MXRA7: variants seen among roughly 807,000 people sequenced by gnomAD.
MXRA7 encodes the protein matrix remodeling associated 7.
Under a neutral mutation model 17.4 loss-of-function variants are expected in MXRA7, and 18 were observed. The observed-to-expected ratio is 1.03, with a 90% CI of 0.71 to 1.53. The LOEUF (loss-of-function observed/expected upper bound fraction) is 1.53, where lower values mean the gene tolerates loss of function less well. Among genes scored for constraint, MXRA7 ranks in the 40% most tolerant of loss-of-function variants. MXRA7 has a pLI of 0.00. For synonymous variants in MXRA7, 70 were observed against 101.7 expected (o/e 0.69, Z 1.87); for missense variants, 141 against 209.3 (o/e 0.67, Z 2.01).
At chr17:76,693,974 A>G (rs1423086064) in intron 1 of MXRA7, among the ~76,000 whole-genome samples, 2 of 152,182 alleles carry the variant, frequency 1.3e-5, no homozygotes, top group Non-Finnish European at 2.9e-5. Context: ...ACACTGCTCA[A>G]TTGGCCATTT....
chr17:76,706,385 A>G (rs2076660862), intron 1 of MXRA7, among the ~76,000 whole-genome samples: 1 of 146,654 alleles, frequency 6.8e-6, no homozygotes, highest in African/African-American at 2.5e-5. Context: ...CTGCCGTCAC[A>G]GAGGCCCACG....
intron 3 of MXRA7, among the ~76,000 whole-genome samples, chr17:76,682,515 T>C (rs2076319635): frequency 6.6e-6 from 1 of 151,924 alleles, no homozygotes; most frequent in Admixed American, 6.6e-5. Flanking sequence ...CTGCCAGCGC[T>C]CCCCACCCCC....
chr17:76,687,838 G>C (rs938364931), intron 2 of MXRA7, among the ~76,000 whole-genome samples: 1 of 152,250 alleles, frequency 6.6e-6, no homozygotes, highest in Admixed American at 6.5e-5. Flanking sequence ...AGGCAGCGCA[G>C]GACAGAGCCA....
chr17:76,697,926 T>C (rs554509369), intron 1 of MXRA7, among the ~76,000 whole-genome samples: 3 of 127,526 alleles, frequency 2.4e-5, no homozygotes, highest in Admixed American at 8.4e-5. Context: ...GAGGGATAGA[T>C]AAGGCGGGGG....
chr17:76,703,033 G>C (rs942209348), intron 1 of MXRA7, among the ~76,000 whole-genome samples: 1 of 151,350 alleles, frequency 6.6e-6, no homozygotes, highest in African/African-American at 2.4e-5. Flanking sequence ...GATGGCTTGA[G>C]CCCAGGAGGT....
chr17:76,704,339 G>T (rs2076630348), intron 1 of MXRA7, among the ~76,000 whole-genome samples: 1 of 148,562 alleles, frequency 6.7e-6, no homozygotes, highest in African/African-American at 2.5e-5. Context: ...TCGAGTAGCT[G>T]GGACTACAGG....
intron 1 of MXRA7, among the ~76,000 whole-genome samples, chr17:76,698,964 G>A (rs953536948): frequency 2.6e-5 from 4 of 151,954 alleles, no homozygotes; most frequent in African/African-American, 7.2e-5. Flanking sequence ...CAAGTGATCC[G>A]CCCACCTCAG....
At chr17:76,688,024 CTCG>C in intron 2 of MXRA7, 86 bp downstream of exon 2, 1 of 1,198,562 alleles carries the variant, frequency 8.3e-7, no homozygotes, top group Non-Finnish European at 1.2e-6. Flanking sequence ...CCCCTCGGCA[CTCG>C]AACCCCAGCT....
intron 3 of MXRA7, chr17:76,683,772 G>T: frequency 1.9e-6 from 2 of 1,045,096 alleles, no homozygotes; most frequent in Non-Finnish European, 3.0e-6. Flanking sequence ...GGTTGAGGCC[G>T]CGTCAGTTGT....
chr17:76,682,541 CTGAAGA>C lies in MXRA7; in HGVS notation c.501-1668_501-1663del, dbSNP rs1191554859. On this transcript the variant is annotated intron_variant, in intron 3 of 3. Transcript: ENST00000449428. ...CCCCACCCCCATGAGAACCATCGTGCTGAAGATGAAGAGCCAAAGCCAAACTGACCA... is the reference window on the plus strand; with the variant it reads ...CCCCACCCCCATGAGAACCATCGTGCTGAAGAGCCAAAGCCAAACTGACCA... Among the ~76,000 whole-genome samples the C allele has an allele frequency of 2.0e-5, 3 of 152,270 alleles. No homozygotes were observed. In the East Asian group the frequency reaches 5.8e-4, roughly 29 times the overall value.
At chr17:76,692,255 T>C (rs1172337826) in intron 1 of MXRA7, among the ~76,000 whole-genome samples, 2 of 151,444 alleles carry the variant, frequency 1.3e-5, no homozygotes, top group Non-Finnish European at 2.9e-5. Flanking sequence ...AAGTCTGATT[T>C]TTTCTTTTTT....
intron 1 of MXRA7, among the ~76,000 whole-genome samples, chr17:76,692,912 T>C (rs2076492608): frequency 6.6e-6 from 1 of 152,102 alleles, no homozygotes; most frequent in Non-Finnish European, 1.5e-5. Context: ...TCCAAAGAAC[T>C]GGATTTTGTG....
At chr17:76,677,336 C>G (rs1270437784), downstream of MXRA7, 5 of 410,460 alleles carry the variant, frequency 1.2e-5, no homozygotes, top group Non-Finnish European at 2.2e-5. Context: ...CCTCAGAGCC[C>G]AATAACAGCT....
chr17:76,676,500 C>G (rs1057023894), downstream of MXRA7: 1 of 152,186 alleles, frequency 6.6e-6, no homozygotes, highest in African/African-American at 2.4e-5. Flanking sequence ...TGGTGGCTCA[C>G]GCCTGTAATC....
intron 2 of MXRA7, 70 bp downstream of exon 2, chr17:76,688,043 G>T: frequency 2.1e-6 from 3 of 1,442,448 alleles, no homozygotes; most frequent in South Asian, 1.2e-5. Context: ...CAGCTCCTGT[G>T]ATCCCCAGCA....
chr17:76,707,176 A>G (rs1567991456), intron 1 of MXRA7, among the ~76,000 whole-genome samples: 1 of 152,144 alleles, frequency 6.6e-6, no homozygotes, highest in Non-Finnish European at 1.5e-5. Flanking sequence ...CCAATCAAGG[A>G]TCAAGATTGT....
chr17:76,677,630 G>T (rs1168604503), downstream of MXRA7: 1 of 1,613,482 alleles, frequency 6.2e-7, no homozygotes. Flanking sequence ...CGTCGCCGTC[G>T]GACATCTCGC....
At chr17:76,688,505 G>A (rs1290487875) in intron 1 of MXRA7, 133 of 1,314,842 alleles carry the variant, frequency 1.0e-4, no homozygotes, top group Non-Finnish European at 1.2e-4. Context: ...CCACTGCGAC[G>A]CTGCGGCCAG....
At chr17:76,688,714 G>T in intron 1 of MXRA7, 1 of 1,223,692 alleles carries the variant, frequency 8.2e-7, no homozygotes, top group South Asian at 4.2e-5. Flanking sequence ...ATAAACAGAT[G>T]ATCAGAGGAA....
Sources: allele counts gnomAD v4.1 joint callset (sites outside exome capture counted in the v4.1 genomes callset), GRCh38; gene constraint gnomAD v4.1.1; transcripts MANE v1.5; gene names NCBI Gene and HGNC (gene_info 2026-07-23, HGNC 2026-07-21).